The following TENM2 variants were observed in gnomAD, a reference collection of about 807,000 sequenced individuals.
TENM2 encodes teneurin transmembrane protein 2.
In TENM2, 52 loss-of-function variants were observed where a neutral mutation model predicts 245.2. The observed-to-expected ratio is 0.21, with a 90% confidence interval of 0.17 to 0.27. TENM2 has a LOEUF of 0.27. Ranked by LOEUF, TENM2 falls within the 10% of genes least tolerant of loss-of-function variation. The pLI is 1.00. For missense variants in TENM2, 3,046 were observed against 3,666.8 expected, an observed-to-expected ratio of 0.83 and a Z score of 4.37; for synonymous variants, 1,363 against 1,438.9, an observed-to-expected ratio of 0.95 and a Z score of 1.19.
intron 2 of TENM2, among the ~76,000 whole-genome samples, chr5:167,872,086 A>G (rs1045090174): frequency 2.6e-5 from 4 of 151,958 alleles, no homozygotes; most frequent in African/African-American, 7.3e-5. Context: ...TGAGCTCAGG[A>G]GTTCGAGACC....
At position 168,088,736 on chromosome 5, in the gene TENM2, A is replaced by G. The variant is rs77526188; in HGVS notation, c.1516-1838A>G. 4.0e-3 allele frequency among the ~76,000 whole-genome samples: 605 copies of G among 152,324 alleles called. 4 individuals are homozygous for G. The highest frequency in any genetic ancestry group is 0.014 in the African/African-American group (580 of 41,564). On this transcript the variant is annotated intron_variant, in intron 7 of 28. Transcript: ENST00000518659. ...GCCCAACATCAAAGAACAGTAAGTG[A>G]CAGAGTCAGAATTCAAACCCAGGTT...
At chr5:167,039,300 G>T in the TENM2 span, among the ~76,000 whole-genome samples, 1 of 152,056 alleles carries the variant, frequency 6.6e-6, no homozygotes, top group Non-Finnish European at 1.5e-5. Context: ...CCCCCGCACT[G>T]GGGAGATTCT....
chr5:167,780,784 TA>T (rs1395450813), intron 2 of TENM2, among the ~76,000 whole-genome samples: 13 of 152,328 alleles, frequency 8.5e-5, no homozygotes, highest in African/African-American at 3.1e-4. Flanking sequence ...GTGTTTCCTC[TA>T]GGAGCAATGA....
intron 24 of TENM2, 129 bp downstream of exon 26, chr5:168,226,392 T>C: frequency 1.4e-6 from 1 of 736,664 alleles, no homozygotes; most frequent in Admixed American, 2.9e-5. Context: ...GCTTTCTATT[T>C]TATTCAAGTG....
At chr5:167,189,631 T>C in the TENM2 span, among the ~76,000 whole-genome samples, 1 of 151,742 alleles carries the variant, frequency 6.6e-6, no homozygotes, top group East Asian at 1.9e-4. Context: ...TGCAGTGGCA[T>C]GATCATAATT....
chr5:167,812,982 T>C (rs1332603150), intron 2 of TENM2, among the ~76,000 whole-genome samples: 1 of 152,186 alleles, frequency 6.6e-6, no homozygotes, highest in Admixed American at 6.5e-5. Context: ...TATGAAATAA[T>C]TTATCAGGCC....
the TENM2 span, among the ~76,000 whole-genome samples, chr5:167,209,745 T>C: frequency 6.6e-6 from 1 of 152,146 alleles, no homozygotes; most frequent in Middle Eastern, 3.2e-3. Context: ...AAATCCCACA[T>C]TCCTCAGGGT....
rs1762196629 is a variant in TENM2, at chr5:167,754,891, G to A, written c.503-121095G>A. ...ACCTCATGCTGAGGCTGTCTACAGG[G>A]AAGGGAGCAGAAAGGGAGGAGGGAG... On this transcript the variant is annotated intron_variant, in intron 2 of 28. Coordinates refer to ENST00000518659, the Ensembl canonical transcript of TENM2. 21 of 910,372 alleles carry A rather than the reference G, an allele frequency of 2.3e-5. 1 individual carries two copies. In the South Asian group the frequency reaches 4.7e-4, roughly 20 times the overall value. The allele number at this position is 910,372 out of a possible 1,614,324, so 56.4% of individuals were successfully genotyped here.
the TENM2 span, among the ~76,000 whole-genome samples, chr5:167,023,431 C>T: frequency 6.6e-6 from 1 of 152,252 alleles, no homozygotes; most frequent in South Asian, 2.1e-4. Flanking sequence ...TGTGTGGACA[C>T]AAACCATCAG....
At chr5:167,928,329 G>A (rs773446881) in intron 3 of TENM2, among the ~76,000 whole-genome samples, 42 of 152,156 alleles carry the variant, frequency 2.8e-4, no homozygotes, top group Non-Finnish European at 4.7e-4. Context: ...GACATTGGAT[G>A]ACAATGAGTT....
chr5:167,042,811 A>G, the TENM2 span, among the ~76,000 whole-genome samples: 20 of 152,308 alleles, frequency 1.3e-4, no homozygotes, highest in East Asian at 2.5e-3. Flanking sequence ...CGGTAGGTCA[A>G]TTGTTTAGTC....
the TENM2 span, among the ~76,000 whole-genome samples, chr5:167,167,097 T>C: frequency 6.6e-6 from 1 of 152,136 alleles, no homozygotes; most frequent in African/African-American, 2.4e-5. Context: ...AGAGTTAACA[T>C]CTAGGGAGGT....
At chr5:167,270,433 T>A in the TENM2 span, among the ~76,000 whole-genome samples, 14 of 152,142 alleles carry the variant, frequency 9.2e-5, no homozygotes, top group African/African-American at 3.1e-4. Context: ...TTTGGCATCC[T>A]CATAATGCCT....
chr5:167,090,096 T>C, the TENM2 span, among the ~76,000 whole-genome samples: 767 of 152,270 alleles, frequency 5.0e-3, 7 homozygotes, highest in African/African-American at 0.017. Flanking sequence ...ACAGGTGGGC[T>C]TATTTTTCTT....
intron 2 of TENM2, among the ~76,000 whole-genome samples, chr5:167,864,646 T>C (rs1486609144): frequency 6.6e-6 from 1 of 152,188 alleles, no homozygotes. Context: ...TAAAACCTAA[T>C]TAAATTCTCT....
chr5:168,236,424 C>T (rs1047645851), intron 25 of TENM2, among the ~76,000 whole-genome samples: 3 of 152,168 alleles, frequency 2.0e-5, no homozygotes, highest in Admixed American at 1.3e-4. Context: ...TTGCTCATCC[C>T]CTGTGCTTTC....
the TENM2 span, among the ~76,000 whole-genome samples, chr5:167,047,549 A>G: frequency 6.6e-6 from 1 of 152,218 alleles, no homozygotes; most frequent in African/African-American, 2.4e-5. Flanking sequence ...AGACTTTTAT[A>G]TGTAAATCAA....
the TENM2 span, among the ~76,000 whole-genome samples, chr5:167,133,096 A>C: frequency 3.1e-4 from 47 of 152,342 alleles, no homozygotes; most frequent in African/African-American, 1.1e-3. Flanking sequence ...CACAAGGCCA[A>C]ATGGATAGGC....
chr5:166,990,428 T>G, the TENM2 span, among the ~76,000 whole-genome samples: 5 of 152,240 alleles, frequency 3.3e-5, no homozygotes, highest in African/African-American at 7.2e-5. Flanking sequence ...GAAGTGTTAT[T>G]AATAATGACA....
Sources: gnomAD v4.1 joint callset for allele counts (sites outside exome capture counted in the v4.1 genomes callset) on GRCh38, gnomAD v4.1.1 for gene constraint, MANE v1.5 for transcripts, NCBI Gene and HGNC (gene_info 2026-07-23, HGNC 2026-07-21) for gene names.